The following PRKG1 variants were observed in gnomAD, a reference collection of about 807,000 sequenced individuals.
The protein encoded by PRKG1 is protein kinase cGMP-dependent 1.
PRKG1 carries 35 observed loss-of-function variants against 88.1 expected under a neutral mutation model. That is an observed-to-expected ratio of 0.40 (90% CI 0.30 to 0.53). The LOEUF (loss-of-function observed/expected upper bound fraction) is 0.53. PRKG1 is among the 20% of genes least tolerant of loss of function. The pLI, the probability that PRKG1 is intolerant of heterozygous loss-of-function variation, is 0.59. For synonymous variants in PRKG1, 303 were observed against 292.5 expected (o/e 1.04, Z -0.37); for missense variants, 540 against 839.8 (o/e 0.64, Z 4.41).
Position 51,474,358 on chromosome 10 carries a change from C to A in PRKG1, c.592+6522C>A, listed in dbSNP as rs116985238. On this transcript the variant is annotated intron_variant, in intron 3 of 17. Coordinates refer to ENST00000373980, the MANE Select transcript of PRKG1 (RefSeq NM_006258.4). The stretch of plus-strand genomic sequence containing the variant: ...ACTACTTCTATTGGTCTGAGGACTC[C>A]GCTTTCACAAAAACTTATACAGCAT... 3.9e-3 allele frequency among the ~76,000 whole-genome samples: 592 copies of A among 152,024 alleles called. 3 individuals are homozygous for A. The highest frequency in any genetic ancestry group is 6.3e-3 in the Non-Finnish European group (425 of 67,906).
chr10:51,931,474 A>G (rs1230004232), intron 5 of PRKG1, among the ~76,000 whole-genome samples: 1 of 152,156 alleles, frequency 6.6e-6, no homozygotes, highest in Non-Finnish European at 1.5e-5. Context: ...TCTAAAATGA[A>G]ATAAAATGCT....
intron 3 of PRKG1, among the ~76,000 whole-genome samples, chr10:51,604,376 T>C (rs1345421552): frequency 1.3e-5 from 2 of 152,214 alleles, no homozygotes; most frequent in East Asian, 3.9e-4. Context: ...TTTATAAAAG[T>C]TGTTTTTTAA....
intron 3 of PRKG1, among the ~76,000 whole-genome samples, chr10:51,558,555 A>G (rs371760804): frequency 1.4e-4 from 22 of 152,082 alleles, no homozygotes; most frequent in Admixed American, 7.9e-4. Context: ...GATGTCATCA[A>G]TGGTAAAGTG....
intron 2 of PRKG1, among the ~76,000 whole-genome samples, chr10:51,335,943 A>G (rs988613549): frequency 3.9e-5 from 6 of 152,242 alleles, no homozygotes; most frequent in Admixed American, 2.6e-4. Flanking sequence ...TTTCCTACAG[A>G]AATCATGGTT....
intron 5 of PRKG1, among the ~76,000 whole-genome samples, chr10:52,023,642 T>C (rs1007408738): frequency 6.6e-6 from 1 of 152,242 alleles, no homozygotes; most frequent in African/African-American, 2.4e-5. Context: ...ATTGTGGTTT[T>C]GATTTGCATT....
Position 51,340,735 on chromosome 10 carries a change from G to A in PRKG1, c.479-126988G>A, listed in dbSNP as rs146969522. 2.7e-4 allele frequency among the ~76,000 whole-genome samples: 41 copies of A among 152,238 alleles called. No individual in the cohort carries two copies. The East Asian group carries it at 6.9e-3, about 26-fold the overall frequency. On this transcript the variant is annotated intron_variant, in intron 2 of 17. Transcript: ENST00000373980. ...CATTCAGTTGTCTGGAAAAACAGCC[G>A]AGGAGTTTTTCTTTGAGAAAAGTTC... is the stretch of plus-strand genomic sequence containing the variant.
intron 2 of PRKG1, among the ~76,000 whole-genome samples, chr10:51,223,493 C>T (rs1481867582): frequency 2.6e-5 from 4 of 152,138 alleles, no homozygotes; most frequent in Non-Finnish European, 5.9e-5. Flanking sequence ...TGCATACATA[C>T]ACACATACAC....
intron 2 of PRKG1, among the ~76,000 whole-genome samples, chr10:51,289,691 T>A: frequency 6.7e-6 from 1 of 149,762 alleles, no homozygotes; most frequent in Non-Finnish European, 1.5e-5. Context: ...AGAGAGAGAG[T>A]TTGTGGGGTG....
chr10:51,594,741 G>A (rs1838399482), intron 3 of PRKG1, among the ~76,000 whole-genome samples: 2 of 152,186 alleles, frequency 1.3e-5, no homozygotes, highest in Admixed American at 6.5e-5. Flanking sequence ...CCTGGGGGAT[G>A]TGGTGTGCTG....
intron 3 of PRKG1, among the ~76,000 whole-genome samples, chr10:51,704,703 G>C (rs1841562664): frequency 6.6e-6 from 1 of 152,142 alleles, no homozygotes; most frequent in Non-Finnish European, 1.5e-5. Flanking sequence ...ATTGGGACCT[G>C]GTGTTTTTTA....
intron 3 of PRKG1, among the ~76,000 whole-genome samples, chr10:51,670,769 TAAATAAATAAATAAATAAAA>T (rs1248073139): frequency 6.7e-6 from 1 of 149,862 alleles, no homozygotes; most frequent in Non-Finnish European, 1.5e-5. Flanking sequence ...AATAAATAAA[TAAATAAATAAATAAATAAAA>T]ATGCAAGATA....
At chr10:51,591,354 C>T (rs1838308907) in intron 3 of PRKG1, among the ~76,000 whole-genome samples, 1 of 152,190 alleles carries the variant, frequency 6.6e-6, no homozygotes, top group African/African-American at 2.4e-5. Flanking sequence ...AACCCCCTCA[C>T]CTCATAAAAT....
intron 7 of PRKG1, among the ~76,000 whole-genome samples, chr10:52,078,104 T>G (rs1846677682): frequency 6.6e-6 from 1 of 152,234 alleles, no homozygotes; most frequent in South Asian, 2.1e-4. Flanking sequence ...AGGAACATTT[T>G]CCACACACAT....
At chr10:51,937,449 C>G in intron 5 of PRKG1, among the ~76,000 whole-genome samples, 1 of 151,960 alleles carries the variant, frequency 6.6e-6, no homozygotes, top group East Asian at 1.9e-4. Flanking sequence ...CATATTGAAA[C>G]AGGCCATGGT....
intron 1 of PRKG1, among the ~76,000 whole-genome samples, chr10:50,995,654 C>T (rs1242645643): frequency 1.3e-5 from 2 of 152,150 alleles, no homozygotes; most frequent in Non-Finnish European, 2.9e-5. Flanking sequence ...TATCCTTAAT[C>T]CTTTCCCTTA....
At chr10:52,166,809 GTA>G (rs1329775053) in intron 9 of PRKG1, among the ~76,000 whole-genome samples, 2 of 70,182 alleles carry the variant, frequency 2.8e-5, no homozygotes, top group African/African-American at 1.1e-4. Flanking sequence ...ATATATATAT[GTA>G]TATATATGTA....
chr10:52,082,079 CCTT>C (rs1285583031), intron 7 of PRKG1, among the ~76,000 whole-genome samples: 2 of 152,078 alleles, frequency 1.3e-5, no homozygotes, highest in East Asian at 1.9e-4. Flanking sequence ...GCAAACACAT[CCTT>C]CTTCACATGA....
intron 2 of PRKG1, among the ~76,000 whole-genome samples, chr10:51,458,627 C>T (rs1839657636): frequency 6.6e-6 from 1 of 152,014 alleles, no homozygotes; most frequent in Non-Finnish European, 1.5e-5. Context: ...TCAAAGCATC[C>T]AAGAGCAGTG....
intron 3 of PRKG1, among the ~76,000 whole-genome samples, chr10:51,470,973 T>A (rs1187368643): frequency 1.3e-5 from 2 of 151,842 alleles, no homozygotes; most frequent in African/African-American, 2.4e-5. Context: ...ATAATATTTT[T>A]AAAAAATCAA....
Sources: allele counts gnomAD v4.1 joint callset (sites outside exome capture counted in the v4.1 genomes callset), GRCh38; gene constraint gnomAD v4.1.1; transcripts MANE v1.5; gene names NCBI Gene and HGNC (gene_info 2026-07-23, HGNC 2026-07-21).